NOVA1: variants seen among roughly 807,000 people sequenced by gnomAD.
The protein encoded by NOVA1 is RNA-binding protein Nova-1.
Under a neutral mutation model 38.0 loss-of-function variants are expected in NOVA1, and 7 were observed. The ratio of observed to expected loss-of-function variants is 0.18; its 90% CI spans 0.10 to 0.35. The LOEUF (loss-of-function observed/expected upper bound fraction) is 0.35. Among genes scored for constraint, NOVA1 ranks in the 10% least tolerant of loss-of-function variants. The probability of loss-of-function intolerance (pLI) is 1.00; values close to 1 mark genes in which losing one functional copy is unlikely to be tolerated. For synonymous variants in NOVA1, 270 were observed against 232.5 expected (o/e 1.16, Z -1.47); for missense variants, 460 against 616.0 (o/e 0.75, Z 2.68).
intron 4 of NOVA1, among the ~76,000 whole-genome samples, chr14:26,456,513 C>A (rs1186241683): frequency 2.0e-5 from 3 of 151,804 alleles, no homozygotes; most frequent in Non-Finnish European, 4.4e-5. Context: ...TATTTAATTT[C>A]TAAAATGGTG....
chr14:26,489,609 C>A (rs926643412), intron 2 of NOVA1, among the ~76,000 whole-genome samples: 1 of 151,728 alleles, frequency 6.6e-6, no homozygotes, highest in Non-Finnish European at 1.5e-5. Flanking sequence ...TATACCAAGG[C>A]GAGTGGATGA....
Position 26,444,521 on chromosome 14 carries a change from A to G in NOVA1, c.*3438T>C, listed in dbSNP as rs1270260080. On this transcript the variant is annotated 3_prime_UTR_variant, in exon 5 of 5. Transcript: ENST00000539517. ...TGTTACAGATGTGATGGGAAGCTGGAAGGAGTCGAATAAGCAGAAAAAAGA... is the reference window on the plus strand; with the variant it reads ...TGTTACAGATGTGATGGGAAGCTGGGAGGAGTCGAATAAGCAGAAAAAAGA... The G allele has an allele frequency of 6.6e-6, 1 of 152,184 alleles. No individual in the cohort carries two copies. The highest frequency in any genetic ancestry group is 1.5e-5 in the Non-Finnish European group (1 of 68,040). 9.4% of individuals were successfully genotyped at this position (152,184 alleles called of 1,614,324 possible). A position where few individuals can be genotyped will look rare whatever the true frequency, so the allele number is the denominator to read the frequency against.
At chr14:26,540,086 TA>T (rs1197898912) in intron 2 of NOVA1, among the ~76,000 whole-genome samples, 6 of 152,002 alleles carry the variant, frequency 3.9e-5, no homozygotes, top group African/African-American at 1.5e-4. Flanking sequence ...GAGACTAATG[TA>T]AAAAAAGAGA....
intron 2 of NOVA1, among the ~76,000 whole-genome samples, chr14:26,566,887 C>CT: frequency 6.6e-6 from 1 of 152,206 alleles, no homozygotes; most frequent in East Asian, 1.9e-4. Flanking sequence ...TAAAATCTTC[C>CT]TTAAGAAATC....
chr14:26,574,631 C>G (rs769095748), intron 2 of NOVA1, among the ~76,000 whole-genome samples: 3 of 151,934 alleles, frequency 2.0e-5, no homozygotes, highest in Non-Finnish European at 4.4e-5. Flanking sequence ...ACTTTAATTT[C>G]AAATGTTTTA....
chr14:26,474,523 A>G (rs1347968701), intron 3 of NOVA1, among the ~76,000 whole-genome samples: 3 of 151,956 alleles, frequency 2.0e-5, no homozygotes, highest in Non-Finnish European at 4.4e-5. Flanking sequence ...GCATATATAT[A>G]AAATATTGGA....
chr14:26,465,567 T>A (rs1594343753), intron 4 of NOVA1, among the ~76,000 whole-genome samples: 1 of 152,212 alleles, frequency 6.6e-6, no homozygotes, highest in Non-Finnish European at 1.5e-5. Context: ...CTGTAAGGCA[T>A]AAAATAGACA....
rs1028276758 is a variant in NOVA1, at chr14:26,444,383, T to C, written c.*3576A>G. ...ACTTTCTTAGAAAGCGATATAAATA[T>C]ATAATACAGGACTTGCTAACCTCTG... On this transcript the variant is annotated 3_prime_UTR_variant, in exon 5 of 5. Transcript: ENST00000539517. 1.3e-5 allele frequency: 2 copies of C among 152,166 alleles called. No individual in the cohort carries two copies. The highest frequency in any genetic ancestry group is 4.8e-5 in the African/African-American group (2 of 41,452). The allele number at this position is 152,166 out of a possible 1,614,324, so 9.4% of individuals were successfully genotyped here.
intron 2 of NOVA1, among the ~76,000 whole-genome samples, chr14:26,578,969 T>C (rs1222679176): frequency 6.6e-6 from 1 of 151,900 alleles, no homozygotes; most frequent in Admixed American, 6.6e-5. Context: ...AAAGATGAAG[T>C]CTATTTAATC....
intron 2 of NOVA1, among the ~76,000 whole-genome samples, chr14:26,576,382 G>C (rs534762070): frequency 1.3e-4 from 20 of 150,762 alleles, no homozygotes; most frequent in Non-Finnish European, 2.5e-4. Context: ...CTATCAACCA[G>C]AATAATTTTT....
chr14:26,457,232 C>A (rs1253058950), intron 4 of NOVA1, among the ~76,000 whole-genome samples: 1 of 152,006 alleles, frequency 6.6e-6, no homozygotes, highest in Non-Finnish European at 1.5e-5. Context: ...GAATTTATTG[C>A]ACAATTATTT....
intron 2 of NOVA1, chr14:26,593,742 T>G (rs1481755322): frequency 2.0e-5 from 3 of 151,846 alleles, no homozygotes; most frequent in Non-Finnish European, 4.4e-5. Flanking sequence ...AAACAAAAGA[T>G]CTAATTCTCA....
At chr14:26,562,329 G>A (rs1039847010) in intron 2 of NOVA1, among the ~76,000 whole-genome samples, 5 of 152,070 alleles carry the variant, frequency 3.3e-5, no homozygotes, top group Admixed American at 6.6e-5. Context: ...AGTAGTATGC[G>A]TTTAATGGGA....
At position 26,587,751 on chromosome 14, in the gene NOVA1, TA is replaced by T. The variant is rs1346796930; in HGVS notation, c.280+7658del. Among the ~76,000 whole-genome samples the T allele has an allele frequency of 2.0e-5, 3 of 151,228 alleles. No individual in the cohort carries two copies. In the East Asian group the frequency reaches 5.8e-4, roughly 29 times the overall value. On this transcript the variant is annotated intron_variant, in intron 2 of 4. Transcript: ENST00000539517. ...TTAAAAAGCTACAGTTCTTCTAAAA[TA>T]TTTAGCAACATAAAAAGAAAACAAA...
chr14:26,557,833 T>G (rs1891587869), intron 2 of NOVA1, among the ~76,000 whole-genome samples: 2 of 152,120 alleles, frequency 1.3e-5, no homozygotes, highest in South Asian at 4.1e-4. Context: ...GCAGCTTTAT[T>G]AATGACTGTT....
At chr14:26,457,518 C>T (rs973870474) in intron 4 of NOVA1, among the ~76,000 whole-genome samples, 13 of 151,996 alleles carry the variant, frequency 8.6e-5, no homozygotes, top group African/African-American at 3.1e-4. Context: ...TATCACAAGG[C>T]ATTTCTCATA....
chr14:26,549,805 C>G (rs1028658486), intron 2 of NOVA1: 1 of 1,219,772 alleles, frequency 8.2e-7, no homozygotes, highest in Non-Finnish European at 1.1e-6. Flanking sequence ...CGCTGTTAAA[C>G]AGTTGCTGCG....
chr14:26,478,446 A>G (rs1885166577), intron 3 of NOVA1, among the ~76,000 whole-genome samples: 1 of 152,000 alleles, frequency 6.6e-6, no homozygotes, highest in African/African-American at 2.4e-5. Flanking sequence ...TTACAAAAGA[A>G]AAGGAGGAAC....
chr14:26,582,362 T>C (rs1473908705), intron 2 of NOVA1, among the ~76,000 whole-genome samples: 2 of 151,772 alleles, frequency 1.3e-5, no homozygotes, highest in East Asian at 3.9e-4. Flanking sequence ...GATAAAAGCA[T>C]AATTTTAAAA....
Sources: allele counts gnomAD v4.1 joint callset (sites outside exome capture counted in the v4.1 genomes callset), GRCh38; gene constraint gnomAD v4.1.1; transcripts MANE v1.5; gene names NCBI Gene and HGNC (gene_info 2026-07-23, HGNC 2026-07-21).